FN3K: variants seen among roughly 807,000 people sequenced by gnomAD.
FN3K encodes the protein fructosamine-3-kinase.
A neutral mutation model predicts 24.8 loss-of-function variants in FN3K; 24 were observed. The observed-to-expected ratio is 0.97, with a 90% CI of 0.70 to 1.36. The LOEUF (loss-of-function observed/expected upper bound fraction) is 1.36, where lower values mean the gene tolerates loss of function less well. Ranked by LOEUF, FN3K falls within the 40% of genes most tolerant of loss-of-function variation. The pLI, the probability that FN3K is intolerant of heterozygous loss-of-function variation, is 0.00. For missense variants in FN3K, 449 were observed against 416.7 expected (o/e 1.08, Z -0.67); for synonymous variants, 192 against 175.2 (o/e 1.10, Z -0.76).
At chr17:82,748,752 T>G in intron 4 of FN3K, 103 bp from the exon 5 acceptor site, 1 of 1,563,218 alleles carries the variant, frequency 6.4e-7, no homozygotes, top group Admixed American at 1.7e-5. Flanking sequence ...CCTCCTTTGT[T>G]GGCTTACTAG....
At position 82,735,808 on chromosome 17, in the gene FN3K, C is replaced by T. The variant is rs747066674; in HGVS notation, c.141+31C>T. On this transcript the variant is annotated intron_variant, in intron 1 of 5. Transcript: ENST00000300784. ...GGCCCGTGCGCAGGCGGGGGCTCTG[C>T]GGGTCTCTGCGGGGCCTGGGAAGGC... The T allele has an allele frequency of 1.7e-5, 26 of 1,504,356 alleles. 1 individual carries two copies. The South Asian group carries it at 2.9e-4, about 17-fold the overall frequency. The allele number at this position is 1,504,356 out of a possible 1,614,324, so 93.2% of individuals were successfully genotyped here.
intron 4 of FN3K, among the ~76,000 whole-genome samples, chr17:82,748,369 A>T (rs953017453): frequency 1.3e-5 from 2 of 151,336 alleles, no homozygotes; most frequent in Non-Finnish European, 2.9e-5. Context: ...CTGGTCTTTA[A>T]CTCCTGGGCT....
chr17:82,751,103 T>TCCCCCGTCCCCGTCCCCCGTCCCCCCGTG lies in FN3K; in HGVS notation c.*366_*367insGTCCCCCCGTGCCCCCGTCCCCGTCCCCC. On this transcript the variant is annotated 3_prime_UTR_variant, in exon 6 of 6. Coordinates refer to ENST00000300784, the MANE Select transcript of FN3K (RefSeq NM_022158.4). ...TCCCATCGCCGTCCCCCCGTCCCCG[T>TCCCCCGTCCCCGTCCCCCGTCCCCCCGTG]CCCCCGTCCCCGTCCCCCCTGTCCC... 7.0e-5 allele frequency: 1 copy of TCCCCCGTCCCCGTCCCCCGTCCCCCCGTG among 14,350 alleles called. No individual in the cohort carries two copies. Among genetic ancestry groups the TCCCCCGTCCCCGTCCCCCGTCCCCCCGTG allele is most frequent in the Non-Finnish European group, 1.2e-4 (1 of 8,386 alleles). The allele number at this position is 14,350 out of a possible 1,614,324, so 0.9% of individuals were successfully genotyped here. A position where few individuals can be genotyped will look rare whatever the true frequency, so the allele number is the denominator to read the frequency against.
At chr17:82,736,727 A>G (rs1431477884) in intron 1 of FN3K, among the ~76,000 whole-genome samples, 1 of 152,110 alleles carries the variant, frequency 6.6e-6, no homozygotes, top group Non-Finnish European at 1.5e-5. Flanking sequence ...TGCTGGCAGG[A>G]GGAACACCAG....
chr17:82,744,471 G>T (rs959581078), intron 4 of FN3K, among the ~76,000 whole-genome samples: 1 of 152,256 alleles, frequency 6.6e-6, no homozygotes, highest in African/African-American at 2.4e-5. Flanking sequence ...AGATTAGTTT[G>T]CATCTTGTGG....
rs984451561 is a variant in FN3K, at chr17:82,735,627, C to T, written c.-10C>T. 3.3e-6 allele frequency: 5 copies of T among 1,520,622 alleles called. No individual in the cohort carries two copies. The highest frequency in any genetic ancestry group is 1.2e-5 in the South Asian group (1 of 81,738). 94.2% of individuals were successfully genotyped at this position (1,520,622 alleles called of 1,614,324 possible). A position where few individuals can be genotyped will look rare whatever the true frequency, so the allele number is the denominator to read the frequency against. On this transcript the variant is annotated 5_prime_UTR_variant, in exon 1 of 6. Transcript: ENST00000300784. ...CTTCCGAGCGAGCAGAGTCCCGCGC[C>T]CCGCACTCCATGGAGCAGCTGCTGC...
chr17:82,747,804 T>C (rs1741453095), intron 4 of FN3K, among the ~76,000 whole-genome samples: 1 of 152,222 alleles, frequency 6.6e-6, no homozygotes, highest in Admixed American at 6.5e-5. Context: ...TCTATTCCTC[T>C]TCTTATAGGC....
chr17:82,737,324 C>G (rs1399479956), intron 1 of FN3K, among the ~76,000 whole-genome samples: 1 of 152,076 alleles, frequency 6.6e-6, no homozygotes, highest in African/African-American at 2.4e-5. Context: ...ACCAGCCTGG[C>G]CATCATGGTG....
intron 4 of FN3K, among the ~76,000 whole-genome samples, chr17:82,741,933 A>G (rs2451211): frequency 0.99 from 151,374 of 152,340 alleles, 75,213 homozygotes; most frequent in East Asian, 1. Flanking sequence ...TTGAGACGGC[A>G]TTTTGCCCTT....
intron 2 of FN3K, among the ~76,000 whole-genome samples, chr17:82,738,947 T>TATACACGTGTATATATATATATATA (rs1491164859): frequency 9.2e-5 from 6 of 65,246 alleles, no homozygotes; most frequent in Non-Finnish European, 1.5e-4. Flanking sequence ...TATATATATA[T>TATACACGTGTATATATATATATATA]TTTTTTTTTT....
At chr17:82,736,935 C>G (rs1026293641) in intron 1 of FN3K, among the ~76,000 whole-genome samples, 2 of 152,134 alleles carry the variant, frequency 1.3e-5, no homozygotes, top group Non-Finnish European at 2.9e-5. Flanking sequence ...CCCACCCCCA[C>G]GAGGGGCCGG....
chr17:82,735,721 C>G lies in FN3K; in HGVS notation c.85C>G (p.Arg29Gly). 2 of 1,555,388 alleles carry G rather than the reference C, an allele frequency of 1.3e-6. No individual in the cohort carries two copies. The highest frequency in any genetic ancestry group is 1.7e-6 in the Non-Finnish European group (2 of 1,152,056). The change falls in exon 1 of 6, where the codon CGA becomes GGA. Residue 29 changes from arginine to glycine, a missense_variant. By Grantham distance (125) the Arg-to-Gly change is moderately radical (BLOSUM62 -2). Coordinates refer to ENST00000300784, the MANE Select transcript of FN3K (RefSeq NM_022158.4). ...CGGCGCCGGCTGCATCAGCGAGGGC[C>G]GAGCCTACGACACGGACGCAGGCCC... ...GPGAGCISEG[R>G]AYDTDAGPVF...
In FN3K at chr17:82,750,530, G is replaced by A. The variant is rs2047006181; in HGVS notation, c.705G>A (p.Pro235=). Residue 235 remains proline, a synonymous_variant, in exon 6 of 6, where the codon CCG becomes CCA. Transcript: ENST00000300784. ...EDDVGPIIYD[P]ASFYGHSEFE... is the part of the protein sequence containing the mutation. ...ACGTGGGGCCCATTATTTACGACCC[G>A]GCTTCCTTCTATGGCCATTCCGAGT... 12 of 1,614,004 alleles carry A rather than the reference G, an allele frequency of 7.4e-6. No homozygotes were observed. The East Asian group carries it at 8.9e-5, about 12-fold the overall frequency.
chr17:82,738,332 ACCCTGCCCTCTGTGGTGGACGCCAGCT>A, intron 1 of FN3K, 130 bp from the exon 2 acceptor site: 1 of 968,896 alleles, frequency 1.0e-6, no homozygotes, highest in Middle Eastern at 3.2e-4. Context: ...GCCCCTCTGC[ACCCTGCCCTCTGTGGTGGACGCCAGCT>A]CCCAGCCAGA....
chr17:82,744,964 A>C (rs913808050), intron 4 of FN3K: 2 of 152,250 alleles, frequency 1.3e-5, no homozygotes, highest in Non-Finnish European at 2.9e-5. Flanking sequence ...ATTGGGTTTT[A>C]TACCGAGACA....
At chr17:82,735,962 C>T in intron 1 of FN3K, 185 bp downstream of exon 1, 2 of 734,458 alleles carry the variant, frequency 2.7e-6, no homozygotes, top group Non-Finnish European at 4.3e-6. Context: ...TCTGCACGAT[C>T]CGTGACCTTC....
chr17:82,737,625 G>A (rs8082558), intron 1 of FN3K: 78,576 of 151,958 alleles, frequency 0.52, 20,858 homozygotes, highest in South Asian at 0.68. Context: ...CACGGCGGTG[G>A]AACTCCATCT....
In FN3K at chr17:82,744,780, A is replaced by T. The variant is rs191865411; in HGVS notation, c.468+3387A>T. On this transcript the variant is annotated intron_variant, in intron 4 of 5. Coordinates refer to ENST00000300784, the MANE Select transcript of FN3K (RefSeq NM_022158.4). Reference sequence around the variant, plus strand: ...ACAATAGTGGGGAGAGGGTCAGCAGACAAACATGTGAACAAAGGTCTTTGC... The same window carrying T: ...ACAATAGTGGGGAGAGGGTCAGCAGTCAAACATGTGAACAAAGGTCTTTGC... Among the ~76,000 whole-genome samples the T allele has an allele frequency of 3.1e-3, 467 of 152,324 alleles. 1 individual carries two copies. Among genetic ancestry groups the T allele is most frequent in the South Asian group, 4.8e-3 (23 of 4,814 alleles).
At chr17:82,735,997 A>G (rs964459887) in intron 1 of FN3K, 6 of 589,862 alleles carry the variant, frequency 1.0e-5, no homozygotes, top group African/African-American at 3.9e-5. Flanking sequence ...CGCAGCGCAC[A>G]GGCTTCTAGG....
Sources: gnomAD v4.1 joint callset for allele counts (sites outside exome capture counted in the v4.1 genomes callset) on GRCh38, gnomAD v4.1.1 for gene constraint, MANE v1.5 for transcripts, NCBI Gene and HGNC (gene_info 2026-07-23, HGNC 2026-07-21) for gene names.